The following TJP2 variants were observed in gnomAD, a reference collection of about 807,000 sequenced individuals.
The protein encoded by TJP2 is Friedreich ataxia region gene X104 (tight junction protein ZO-2).
Under a neutral mutation model 133.1 loss-of-function variants are expected in TJP2, and 91 were observed. The observed-to-expected ratio is 0.68, with a 90% CI of 0.58 to 0.81. The LOEUF (loss-of-function observed/expected upper bound fraction) is 0.81, where lower values mean the gene tolerates loss of function less well. Among genes scored for constraint, TJP2 ranks in the 40% least tolerant of loss-of-function variants. The pLI is 0.00. For missense variants in TJP2, 1,541 were observed against 1,565.6 expected, an observed-to-expected ratio of 0.98 and a Z score of 0.26; for synonymous variants, 592 against 583.4, an observed-to-expected ratio of 1.01 and a Z score of -0.21.
chr9:69,183,756 A>G (rs1330014298), intron 1 of TJP2, among the ~76,000 whole-genome samples: 1 of 152,166 alleles, frequency 6.6e-6, no homozygotes, highest in Non-Finnish European at 1.5e-5. Flanking sequence ...ATATTTTTTG[A>G]GACAGTCTCA....
intron 1 of TJP2, among the ~76,000 whole-genome samples, chr9:69,187,201 A>G (rs1458129656): frequency 1.3e-5 from 2 of 152,190 alleles, no homozygotes; most frequent in Non-Finnish European, 2.9e-5. Flanking sequence ...TATGTGGGGG[A>G]AAAACATCTC....
chr9:69,130,083 C>T (rs1261117902), intron 1 of TJP2, among the ~76,000 whole-genome samples: 1 of 151,012 alleles, frequency 6.6e-6, no homozygotes, highest in East Asian at 1.9e-4. Flanking sequence ...ATTAATAAGA[C>T]ATTTTTCACG....
chr9:69,248,137 C>T lies in TJP2; in HGVS notation c.2793C>T (p.Ala931=), dbSNP rs764122078. ...DFEDTDGEGG[A]YTDNELDEPA... is the part of the protein sequence containing the mutation. ...AAGACACGGACGGTGAAGGAGGCGCCTACACTGACAATGAGCTGGATGAGC... is the reference window on the plus strand; with the variant it reads ...AAGACACGGACGGTGAAGGAGGCGCTTACACTGACAATGAGCTGGATGAGC... Residue 931 remains alanine (A), a synonymous_variant, in exon 19 of 23, where the codon GCC becomes GCT. Coordinates refer to ENST00000377245, the MANE Select transcript of TJP2 (RefSeq NM_004817.4). The T allele has an allele frequency of 3.1e-6, 5 of 1,614,206 alleles. No homozygotes were observed. The South Asian group carries it at 5.5e-5, about 18-fold the overall frequency.
chr9:69,226,139 A>G lies in TJP2; in HGVS notation c.1174A>G (p.Ile392Val). The G allele has an allele frequency of 3.7e-6, 6 of 1,614,194 alleles. No homozygotes were observed. Among genetic ancestry groups the G allele is most frequent in the Non-Finnish European group, 5.1e-6 (6 of 1,180,034 alleles). ...AGACAGCCAGCAGACCCTCATCAAC[A>G]TCCCGTCATTAAATGACAGTGACTC... ...LRDSQQTLIN[I>V]PSLNDSDSEI... The change falls in exon 7 of 23, where the codon ATC (isoleucine) becomes GTC (valine). Residue 392 changes from isoleucine (I) to valine (V), a missense_variant. By Grantham distance (29) the Ile-to-Val change is conservative. Coordinates refer to ENST00000377245, the MANE Select transcript of TJP2 (RefSeq NM_004817.4).
intron 1 of TJP2, among the ~76,000 whole-genome samples, chr9:69,137,324 CTTTTCT>C (rs1564372899): frequency 2.7e-5 from 2 of 73,666 alleles, no homozygotes; most frequent in Admixed American, 1.3e-4. Context: ...CTTTTCTTTT[CTTTTCT>C]TTTTTTTTTT....
intron 1 of TJP2, chr9:69,151,504 G>T (rs1587914940): frequency 1.3e-6 from 1 of 742,952 alleles, no homozygotes; most frequent in Non-Finnish European, 1.8e-6. Flanking sequence ...AAGGATTGTG[G>T]TGACAGTTGC....
chr9:69,150,696 T>G (rs1823431010), intron 1 of TJP2, among the ~76,000 whole-genome samples: 1 of 152,200 alleles, frequency 6.6e-6, no homozygotes, highest in African/African-American at 2.4e-5. Flanking sequence ...GACCCTCAGG[T>G]GGACTGGTGA....
chr9:69,160,847 C>T (rs575106258), intron 2 of TJP2, among the ~76,000 whole-genome samples: 33 of 152,174 alleles, frequency 2.2e-4, no homozygotes, highest in Non-Finnish European at 3.5e-4. Flanking sequence ...CATCAGATCT[C>T]GTGAGACTTA....
intron 2 of TJP2, among the ~76,000 whole-genome samples, chr9:69,165,212 C>G (rs1176900260): frequency 6.6e-6 from 1 of 152,204 alleles, no homozygotes; most frequent in Non-Finnish European, 1.5e-5. Flanking sequence ...ACTGCAGCCT[C>G]AACCTCTTGG....
At chr9:69,171,197 T>C (rs1171666213), upstream of TJP2, among the ~76,000 whole-genome samples, 1 of 152,172 alleles carries the variant, frequency 6.6e-6, no homozygotes, top group Non-Finnish European at 1.5e-5. Flanking sequence ...GTAGGCTCAC[T>C]TCCCGCTCGC....
intron 3 of TJP2, 139 bp downstream of exon 3, chr9:69,216,602 G>A: frequency 2.0e-6 from 2 of 984,542 alleles, no homozygotes; most frequent in Non-Finnish European, 2.9e-6. Context: ...AAGTCTTCAA[G>A]CTGGAATGGA....
intron 6 of TJP2, 106 bp from the exon 7 acceptor site, chr9:69,225,916 T>A: frequency 8.1e-7 from 1 of 1,240,054 alleles, no homozygotes; most frequent in Non-Finnish European, 1.2e-6. Context: ...CCAATATCTG[T>A]TTGAATATCT....
In TJP2 at chr9:69,234,386, CTTTCTTTCTTTCT is replaced by C. The variant is rs1365724644; in HGVS notation, c.1672-49_1672-37del. The C allele has an allele frequency of 2.9e-4, 386 of 1,310,878 alleles. No individual in the cohort carries two copies. In the South Asian group the frequency reaches 3.9e-3, roughly 13 times the overall value. 81.2% of individuals were successfully genotyped at this position (1,310,878 alleles called of 1,614,324 possible). A position where few individuals can be genotyped will look rare whatever the true frequency, so the allele number is the denominator to read the frequency against. On this transcript the variant is annotated intron_variant, in intron 11 of 22. Coordinates refer to ENST00000377245, the MANE Select transcript of TJP2 (RefSeq NM_004817.4). ...TTCTCTGTTTTTTCTTTCTTTCTTT[CTTTCTTTCTTTCT>C]TTTTTTTTTTTTTCTTTTTCTGTTT...
chr9:69,144,559 C>G (rs1823135925), intron 1 of TJP2, among the ~76,000 whole-genome samples: 1 of 152,182 alleles, frequency 6.6e-6, no homozygotes. Flanking sequence ...TCAGAACTCT[C>G]AGAGTGACAA....
intron 17 of TJP2, among the ~76,000 whole-genome samples, chr9:69,245,977 T>C (rs566811349): frequency 6.6e-6 from 1 of 152,312 alleles, no homozygotes; most frequent in South Asian, 2.1e-4. Context: ...TAGCCGTGTA[T>C]AGGAAATATT....
chr9:69,195,758 A>G (rs1234120798), intron 1 of TJP2, among the ~76,000 whole-genome samples: 3 of 152,182 alleles, frequency 2.0e-5, no homozygotes, highest in African/African-American at 7.2e-5. Context: ...GACTGTTCAA[A>G]CAGCCAGAAA....
chr9:69,161,394 A>T (rs891449097), intron 2 of TJP2, among the ~76,000 whole-genome samples: 1 of 152,044 alleles, frequency 6.6e-6, no homozygotes, highest in Non-Finnish European at 1.5e-5. Context: ...ACACCCAGCT[A>T]ATTTTTCTAT....
chr9:69,240,233 T>G (rs1830491691), intron 17 of TJP2, 86 bp downstream of exon 17: 1 of 1,311,586 alleles, frequency 7.6e-7, no homozygotes, highest in South Asian at 1.3e-5. Context: ...TTAATCTGAA[T>G]GGAGAATTTG....
intron 1 of TJP2, among the ~76,000 whole-genome samples, chr9:69,132,996 G>A (rs1236062697): frequency 6.6e-6 from 1 of 152,076 alleles, no homozygotes; most frequent in Non-Finnish European, 1.5e-5. Context: ...GGGTCTCACT[G>A]TGTTGCTCAG....
Sources: gnomAD v4.1 joint callset for allele counts (sites outside exome capture counted in the v4.1 genomes callset) on GRCh38, gnomAD v4.1.1 for gene constraint, MANE v1.5 for transcripts, NCBI Gene and HGNC (gene_info 2026-07-23, HGNC 2026-07-21) for gene names.